Variants in ZC3H12D observed in about 807,000 individuals in gnomAD.
The protein encoded by ZC3H12D is zinc finger CCCH-type containing 12D.
In ZC3H12D, 11 loss-of-function variants were observed where a neutral mutation model predicts 24.2. The observed-to-expected ratio is 0.46, with a 90% CI of 0.29 to 0.75. The LOEUF (loss-of-function observed/expected upper bound fraction) is 0.75. ZC3H12D is among the 30% of genes least tolerant of loss of function. The pLI, the probability that ZC3H12D is intolerant of heterozygous loss-of-function variation, is 0.11. For synonymous variants in ZC3H12D, 333 were observed against 341.8 expected, an observed-to-expected ratio of 0.97 and a Z score of 0.28; for missense variants, 740 against 767.7, an observed-to-expected ratio of 0.96 and a Z score of 0.43.
Position 149,452,507 on chromosome 6 carries a change from G to A in ZC3H12D, c.787+109C>T, listed in dbSNP as rs1775918426. 1.1e-6 allele frequency: 1 copy of A among 941,076 alleles called. No homozygotes were observed. Among genetic ancestry groups the A allele is most frequent in the Non-Finnish European group, 1.5e-6 (1 of 668,378 alleles). The allele number at this position is 941,076 out of a possible 1,614,324, so 58.3% of individuals were successfully genotyped here. Reference sequence around the variant, plus strand: ...AGCACAGCTGGAGGGCAGAACTTGGGCAAGAGCCCAGGCCGCTGAGCACCA... The same window carrying A: ...AGCACAGCTGGAGGGCAGAACTTGGACAAGAGCCCAGGCCGCTGAGCACCA... On this transcript the variant is annotated intron_variant, in intron 5 of 5. Coordinates refer to ENST00000409806, the MANE Select transcript of ZC3H12D (RefSeq NM_207360.3). The surrounding 1 kb of genome is among the most constrained non-coding windows in gnomAD (Gnocchi z 4.0).
Position 149,456,635 on chromosome 6 carries a change from CCCAGGGTGTCAGGA to C in ZC3H12D, c.680+17_680+30del. 2.6e-6 allele frequency: 4 copies of C among 1,561,462 alleles called. No individual in the cohort carries two copies. The highest frequency in any genetic ancestry group is 3.5e-6 in the Non-Finnish European group (4 of 1,135,742). ...ACCCCGGCCCCCCGCCCCGCCGCCC[CCCAGGGTGTCAGGA>C]CCCCAGCCGGACCTACCGGTCGTTG... On this transcript the variant is annotated intron_variant, in intron 4 of 5. Transcript: ENST00000409806. The surrounding 1 kb of genome is among the most constrained non-coding windows in gnomAD (Gnocchi z 4.3).
intron 4 of ZC3H12D, among the ~76,000 whole-genome samples, chr6:149,455,630 G>A (rs565770103): frequency 1.3e-5 from 2 of 152,142 alleles, no homozygotes; most frequent in Non-Finnish European, 2.9e-5. Flanking sequence ...CGGTTGGTCT[G>A]GGATGAACTG....
chr6:149,480,724 G>A lies in ZC3H12D; in HGVS notation c.-71+4089C>T, dbSNP rs184811268. Among the ~76,000 whole-genome samples the A allele has an allele frequency of 1.4e-4, 21 of 150,658 alleles. No individual in the cohort carries two copies. In the East Asian group the frequency reaches 2.0e-3, roughly 14 times the overall value. On this transcript the variant is annotated intron_variant, in intron 1 of 5. Coordinates refer to ENST00000409806, the MANE Select transcript of ZC3H12D (RefSeq NM_207360.3). ...GCACTCCAGCCTGAGCAACAAGAGC[G>A]AAACTCTGTCTCAAAAAAAACAAAA...
rs549805313 is a variant in ZC3H12D at position 149,463,375 on chromosome 6, A to C, written c.306-1405T>G. 2.6e-5 allele frequency among the ~76,000 whole-genome samples: 4 copies of C among 152,328 alleles called. No homozygotes were observed. In the South Asian group the frequency reaches 6.2e-4, roughly 24 times the overall value. ...ATTAAAAAGCCACGGAAGGATTTCA[A>C]GATTGGAAGTAGATGATGTGATGCG... On this transcript the variant is annotated intron_variant, in intron 2 of 5. Coordinates refer to ENST00000409806, the MANE Select transcript of ZC3H12D (RefSeq NM_207360.3).
chr6:149,452,642 T>C lies in ZC3H12D; in HGVS notation c.761A>G (p.Glu254Gly). 1 of 1,601,464 alleles carries C rather than the reference T, an allele frequency of 6.2e-7. No individual in the cohort carries two copies. Among genetic ancestry groups the C allele is most frequent in the South Asian group, 1.1e-5 (1 of 88,534 alleles). ...ATAAGGACAATGCTGCCAGGATGGC[T>C]CTGGGGGCTTCGGCTTCCTGCTCAG... ...NFLSRKPKPP[E>G]PSWQHCPYGK... Residue 254 changes from glutamate to glycine, a missense_variant, in exon 5 of 6, where the codon GAG becomes GGG. By Grantham distance (98) the Glu-to-Gly change is moderately conservative. Coordinates refer to ENST00000409806, the MANE Select transcript of ZC3H12D (RefSeq NM_207360.3). This position sits in a 1 kb window ranked among gnomAD's most constrained non-coding sequence, Gnocchi z 4.0.
chr6:149,458,111 C>CTCGTTTCTTTTTTTTTTTTTTT (rs1246641761), intron 3 of ZC3H12D, among the ~76,000 whole-genome samples: 3 of 80,240 alleles, frequency 3.7e-5, no homozygotes, highest in African/African-American at 1.4e-4. Context: ...CTTTCTTTTT[C>CTCGTTTCTTTTTTTTTTTTTTT]TTTTTTTTTT....
rs237005 is a variant in ZC3H12D, at chr6:149,449,043, C to T, written c.*1640G>A. 48,668 of 152,148 alleles carry T rather than the reference C, an allele frequency of 0.32. 8,809 individuals carry two copies. Among genetic ancestry groups the T allele is most frequent in the East Asian group, 0.84 (4,355 of 5,170 alleles). The allele number at this position is 152,148 out of a possible 1,614,324, so 9.4% of individuals were successfully genotyped here. On this transcript the variant is annotated 3_prime_UTR_variant, in exon 6 of 6. Transcript: ENST00000409806. ...ATAGTCTGGAGGGCTGGCATGGTAA[C>T]CAGAATGGGTGGATGCTGCCAGGAG...
chr6:149,468,548 G>C (rs1024477085), intron 2 of ZC3H12D, among the ~76,000 whole-genome samples: 2 of 152,190 alleles, frequency 1.3e-5, no homozygotes, highest in African/African-American at 4.8e-5. Flanking sequence ...GATTCCTCAG[G>C]GGTCTGAGAT....
intron 2 of ZC3H12D, among the ~76,000 whole-genome samples, chr6:149,466,162 T>G (rs1033641685): frequency 2.0e-5 from 3 of 152,016 alleles, no homozygotes; most frequent in Non-Finnish European, 2.9e-5. Context: ...AGAAGGCCAC[T>G]TCCATGTTTC....
Position 149,452,503 on chromosome 6 carries a change from T to C in ZC3H12D, c.787+113A>G. On this transcript the variant is annotated intron_variant, in intron 5 of 5. Coordinates refer to ENST00000409806, the MANE Select transcript of ZC3H12D (RefSeq NM_207360.3). This position sits in a 1 kb window ranked among gnomAD's most constrained non-coding sequence, Gnocchi z 4.0. Reference sequence around the variant, plus strand: ...AGGTAGCACAGCTGGAGGGCAGAACTTGGGCAAGAGCCCAGGCCGCTGAGC... The same window carrying C: ...AGGTAGCACAGCTGGAGGGCAGAACCTGGGCAAGAGCCCAGGCCGCTGAGC... 2 of 883,236 alleles carry C rather than the reference T, an allele frequency of 2.3e-6. No homozygotes were observed. The highest frequency in any genetic ancestry group is 4.1e-5 in the South Asian group (2 of 49,272). 54.7% of individuals were successfully genotyped at this position (883,236 alleles called of 1,614,324 possible).
intron 2 of ZC3H12D, among the ~76,000 whole-genome samples, chr6:149,466,968 G>T (rs1377017404): frequency 7.3e-5 from 11 of 151,604 alleles, no homozygotes; most frequent in Non-Finnish European, 1.6e-4. Flanking sequence ...CTTTTTTCAG[G>T]GTCTCCTTCC....
rs528483409 is a variant in ZC3H12D at position 149,448,937 on chromosome 6, T to G, written c.*1746A>C. The G allele has an allele frequency of 1.3e-5, 2 of 152,412 alleles. No individual in the cohort carries two copies. Among genetic ancestry groups the G allele is most frequent in the South Asian group, 2.1e-4 (1 of 4,828 alleles). The allele number at this position is 152,412 out of a possible 1,614,324, so 9.4% of individuals were successfully genotyped here. ...AAGTTTGTGGGGCTGGGGGCTGGTC[T>G]TCTCTGGTCTTCCCCTGGGAAGTGC... On this transcript the variant is annotated 3_prime_UTR_variant, in exon 6 of 6. Transcript: ENST00000409806.
chr6:149,465,116 G>T (rs527904040), intron 2 of ZC3H12D, among the ~76,000 whole-genome samples: 2 of 152,238 alleles, frequency 1.3e-5, no homozygotes, highest in Non-Finnish European at 2.9e-5. Context: ...CACTTTGGGA[G>T]GCTGAGGTGG....
intron 1 of ZC3H12D, among the ~76,000 whole-genome samples, chr6:149,475,930 T>G (rs1477947771): frequency 3.9e-5 from 6 of 152,188 alleles, no homozygotes; most frequent in Non-Finnish European, 8.8e-5. Context: ...AAAAAAAATT[T>G]TTTTAAATAC....
chr6:149,459,878 G>A (rs1156987480), intron 3 of ZC3H12D, among the ~76,000 whole-genome samples: 1 of 151,802 alleles, frequency 6.6e-6, no homozygotes, highest in Non-Finnish European at 1.5e-5. Flanking sequence ...CATTCAGGGA[G>A]AAGTTTTCAT....
At chr6:149,478,166 C>CAAA (rs34745745) in intron 1 of ZC3H12D, among the ~76,000 whole-genome samples, 1 of 116,766 alleles carries the variant, frequency 8.6e-6, no homozygotes. Flanking sequence ...GACTCCATCT[C>CAAA]AAAAAAAAAA....
At position 149,458,116 on chromosome 6, in the gene ZC3H12D, T is replaced by C. The variant is rs1182513800; in HGVS notation, c.446-1216A>G. ...CATTTTCTTTCTTTCTTTTTCTTTT[T>C]TTTTTTCGTTTCTTTTTTTTTTTTT... On this transcript the variant is annotated intron_variant, in intron 3 of 5. Transcript: ENST00000409806. Among the ~76,000 whole-genome samples the C allele has an allele frequency of 2.9e-3, 375 of 130,940 alleles. 1 individual carries two copies. The highest frequency in any genetic ancestry group is 0.014 in the African/African-American group (358 of 24,934). The allele number at this position is 130,940 out of a possible 152,430, so 85.9% of individuals were successfully genotyped here. A position where few individuals can be genotyped will look rare whatever the true frequency, so the allele number is the denominator to read the frequency against.
intron 2 of ZC3H12D, among the ~76,000 whole-genome samples, chr6:149,472,598 G>A (rs1776263116): frequency 6.6e-6 from 1 of 152,130 alleles, no homozygotes; most frequent in Non-Finnish European, 1.5e-5. Flanking sequence ...TTATGGTCAT[G>A]TGCAAACAGA....
chr6:149,457,682 TG>T (rs935286849), intron 3 of ZC3H12D, among the ~76,000 whole-genome samples: 3 of 152,152 alleles, frequency 2.0e-5, no homozygotes, highest in Admixed American at 1.3e-4. Flanking sequence ...ATGCACCAGA[TG>T]GTACAAACAT....
Sources: gnomAD v4.1 joint callset for allele counts (sites outside exome capture counted in the v4.1 genomes callset) on GRCh38, gnomAD v4.1.1 for gene constraint, Gnocchi (gnomAD v3.1) non-coding constraint, MANE v1.5 for transcripts, NCBI Gene and HGNC (gene_info 2026-07-23, HGNC 2026-07-21) for gene names.